C9orf85: variants seen among roughly 807,000 people sequenced by gnomAD.
C9orf85 encodes chromosome 9 open reading frame 85.
Under a neutral mutation model 14.9 loss-of-function variants are expected in C9orf85, and 16 were observed. The ratio of observed to expected loss-of-function variants is 1.08; its 90% CI spans 0.73 to 1.63. The LOEUF (loss-of-function observed/expected upper bound fraction) is 1.63. Ranked by LOEUF, C9orf85 falls within the 40% of genes most tolerant of loss-of-function variation. C9orf85 has a pLI of 0.00. For synonymous variants in C9orf85, 45 were observed against 56.8 expected, an observed-to-expected ratio of 0.79 and a Z score of 0.93; for missense variants, 172 against 186.1, an observed-to-expected ratio of 0.92 and a Z score of 0.44.
intron 1 of C9orf85, among the ~76,000 whole-genome samples, chr9:71,924,057 C>G (rs1185494491): frequency 6.6e-6 from 1 of 152,178 alleles, no homozygotes; most frequent in African/African-American, 2.4e-5. Flanking sequence ...AAAAGATCCT[C>G]TTAACTGTTT....
exon 4 of C9orf85, chr9:71,982,784 C>T: frequency 5.9e-6 from 2 of 339,760 alleles, no homozygotes; most frequent in Non-Finnish European, 5.6e-6. Flanking sequence ...TACAGGCGCA[C>T]ACCACCATGC....
chr9:71,955,880 G>A, intron 2 of C9orf85, among the ~76,000 whole-genome samples: 1 of 152,142 alleles, frequency 6.6e-6, no homozygotes, highest in Non-Finnish European at 1.5e-5. Context: ...CATGCAATCT[G>A]AATTTGTAGC....
chr9:71,917,879 A>G (rs532026860), intron 1 of C9orf85, among the ~76,000 whole-genome samples: 94 of 152,226 alleles, frequency 6.2e-4, no homozygotes, highest in African/African-American at 2.1e-3. Context: ...TAGGCAAACA[A>G]ACAAACAAAG....
intron 1 of C9orf85, among the ~76,000 whole-genome samples, chr9:71,923,468 A>G (rs912185433): frequency 6.6e-6 from 1 of 152,098 alleles, no homozygotes; most frequent in South Asian, 2.1e-4. Context: ...GGTTTTCTCC[A>G]TGTTGGTCAG....
chr9:71,914,119 C>T (rs1194470471), intron 1 of C9orf85, among the ~76,000 whole-genome samples: 1 of 152,134 alleles, frequency 6.6e-6, no homozygotes, highest in Admixed American at 6.6e-5. Flanking sequence ...AAGACTTTGT[C>T]AGAAGCATCT....
At position 71,956,761 on chromosome 9, in the gene C9orf85, C is replaced by G. The variant is rs186488827; in HGVS notation, c.209+9649C>G. ...GGGGGAAAAAAAAATCTGAACACTT[C>G]TCACCCCAAATATTTTAGATAAGGG... On this transcript the variant is annotated intron_variant, in intron 2 of 3. Transcript: ENST00000334731. Among the ~76,000 whole-genome samples the G allele has an allele frequency of 3.7e-3, 558 of 152,250 alleles. 4 individuals carry two copies. Among genetic ancestry groups the G allele is most frequent in the African/African-American group, 0.012 (501 of 41,538 alleles).
intron 1 of C9orf85, chr9:71,918,498 C>A (rs757181122): frequency 3.2e-6 from 4 of 1,263,062 alleles, no homozygotes; most frequent in Non-Finnish European, 3.1e-6. Context: ...GCCCCCGACC[C>A]CCGCATCGGT....
downstream of C9orf85, among the ~76,000 whole-genome samples, chr9:71,974,155 G>C (rs1435692636): frequency 1.3e-5 from 2 of 151,872 alleles, no homozygotes; most frequent in African/African-American, 4.8e-5. Context: ...TTGAACTCCT[G>C]ACCTCAGGTG....
At chr9:71,973,874 A>G (rs1822954256), downstream of C9orf85, among the ~76,000 whole-genome samples, 1 of 96,498 alleles carries the variant, frequency 1.0e-5, no homozygotes, top group Admixed American at 1.0e-4. Context: ...TTTTTTTTTA[A>G]CTCTTCTTTT....
chr9:71,961,346 G>A (rs1475100119), intron 2 of C9orf85, among the ~76,000 whole-genome samples: 1 of 152,012 alleles, frequency 6.6e-6, no homozygotes, highest in Non-Finnish European at 1.5e-5. Context: ...TGGATCATGA[G>A]GTCAGAAGTT....
At chr9:71,972,670 A>G in intron 3 of C9orf85, 22 bp from the exon 4 acceptor site, 1 of 1,514,304 alleles carries the variant, frequency 6.6e-7, no homozygotes, top group Non-Finnish European at 9.0e-7. Context: ...AAATAAATAG[A>G]AATTTTTTCT....
chr9:71,934,669 G>C (rs935413066), intron 1 of C9orf85, among the ~76,000 whole-genome samples: 2 of 152,050 alleles, frequency 1.3e-5, no homozygotes, highest in Non-Finnish European at 2.9e-5. Context: ...AGGAGTTTGA[G>C]ACCAACCTGG....
At chr9:71,963,996 G>C (rs1822608025) in intron 2 of C9orf85, among the ~76,000 whole-genome samples, 1 of 152,164 alleles carries the variant, frequency 6.6e-6, no homozygotes, top group Non-Finnish European at 1.5e-5. Flanking sequence ...AAGCCAGCTG[G>C]GCTCCTGAGT....
chr9:71,979,383 A>G (rs2132376393), intron 3 of C9orf85, among the ~76,000 whole-genome samples: 1 of 152,318 alleles, frequency 6.6e-6, no homozygotes, highest in Non-Finnish European at 1.5e-5. Context: ...TCTCTTCATG[A>G]TGTTTATAAA....
chr9:71,967,660 T>C (rs1266234905), intron 2 of C9orf85, among the ~76,000 whole-genome samples: 1 of 128,366 alleles, frequency 7.8e-6, no homozygotes, highest in African/African-American at 2.8e-5. Context: ...AGACAGTGAT[T>C]TTTTCTTCTA....
intron 1 of C9orf85, among the ~76,000 whole-genome samples, chr9:71,922,260 G>T (rs1827829209): frequency 6.6e-6 from 1 of 151,964 alleles, no homozygotes; most frequent in African/African-American, 2.4e-5. Context: ...TAATGTCCTA[G>T]ATTCCCAGAT....
At chr9:71,975,680 AAATT>A (rs1822985840), downstream of C9orf85, among the ~76,000 whole-genome samples, 1 of 151,046 alleles carries the variant, frequency 6.6e-6, no homozygotes, top group South Asian at 2.1e-4. Flanking sequence ...TAAAAACACA[AAATT>A]AACCACGCCT....
At chr9:71,912,009 C>A (rs1230242132) in intron 1 of C9orf85, 173 bp downstream of exon 1, 2 of 682,136 alleles carry the variant, frequency 2.9e-6, no homozygotes, top group Non-Finnish European at 5.4e-6. Flanking sequence ...TTTCTTTGAC[C>A]TGGACATGTT....
chr9:71,973,858 TTG>T (rs1209347124), downstream of C9orf85, among the ~76,000 whole-genome samples: 2 of 23,192 alleles, frequency 8.6e-5, no homozygotes, highest in Admixed American at 8.1e-4. Flanking sequence ...CTGGGTTTTG[TTG>T]TTTTTTTTTT....
Sources: gnomAD v4.1 joint callset for allele counts (sites outside exome capture counted in the v4.1 genomes callset) on GRCh38, gnomAD v4.1.1 for gene constraint, MANE v1.5 for transcripts, NCBI Gene and HGNC (gene_info 2026-07-23, HGNC 2026-07-21) for gene names.